The following EBF2 variants were observed in gnomAD, a reference collection of about 807,000 sequenced individuals.
EBF2 encodes EBF transcription factor 2.
A neutral mutation model predicts 72.8 loss-of-function variants in EBF2; 21 were observed. That is an observed-to-expected ratio of 0.29 (90% CI 0.20 to 0.42). The LOEUF (loss-of-function observed/expected upper bound fraction) is 0.42. Ranked by LOEUF, EBF2 falls within the 10% of genes least tolerant of loss-of-function variation. The pLI is 1.00. For synonymous variants in EBF2, 299 were observed against 274.2 expected (o/e 1.09, Z -0.89); for missense variants, 637 against 731.2 (o/e 0.87, Z 1.49).
intron 6 of EBF2, among the ~76,000 whole-genome samples, chr8:25,934,077 G>C (rs1179027339): frequency 2.6e-5 from 4 of 152,096 alleles, no homozygotes; most frequent in Non-Finnish European, 1.5e-5. Context: ...TTCCTGAATG[G>C]TGTGCTGGCT....
At chr8:25,939,186 C>T (rs888444802) in intron 6 of EBF2, among the ~76,000 whole-genome samples, 1 of 152,178 alleles carries the variant, frequency 6.6e-6, no homozygotes. Flanking sequence ...ATTCTGTGAT[C>T]TTCTTTTCTT....
chr8:25,960,233 C>G (rs539351708), intron 6 of EBF2, among the ~76,000 whole-genome samples: 1 of 152,314 alleles, frequency 6.6e-6, no homozygotes, highest in African/African-American at 2.4e-5. Context: ...ACTTGAGTTC[C>G]TGAGTGAAGG....
intron 6 of EBF2, among the ~76,000 whole-genome samples, chr8:25,923,546 C>T (rs1490869206): frequency 2.0e-5 from 3 of 152,198 alleles, no homozygotes; most frequent in South Asian, 2.1e-4. Flanking sequence ...AAGCAGATTT[C>T]GTCACTCCTA....
At chr8:25,985,846 ACAAAAATTAGCTGGG>A (rs1422781937) in intron 6 of EBF2, among the ~76,000 whole-genome samples, 2 of 151,762 alleles carry the variant, frequency 1.3e-5, no homozygotes, top group Non-Finnish European at 2.9e-5. Context: ...TACAAAAAAT[ACAAAAATTAGCTGGG>A]CATGGTAGCA....
At position 25,903,698 on chromosome 8, in the gene EBF2, A is replaced by AAAAC. The variant is rs531121025; in HGVS notation, c.633+4772_633+4775dup. Among the ~76,000 whole-genome samples, 380 of 152,306 alleles carry AAAAC rather than the reference A, an allele frequency of 2.5e-3. 3 individuals carry two copies. Among genetic ancestry groups the AAAAC allele is most frequent in the African/African-American group, 8.3e-3 (345 of 41,560 alleles). On this transcript the variant is annotated intron_variant, in intron 7 of 15. Transcript: ENST00000520164. ...GGCGACAGAGCGAGACTCCGTCTCAAAAACAAACAAACAAACAAACAAAAA... is the reference window on the plus strand; with the variant it reads ...GGCGACAGAGCGAGACTCCGTCTCAAAAACAAACAAACAAACAAACAAACAAAAA...
chr8:25,870,675 T>G (rs904932193), intron 10 of EBF2, among the ~76,000 whole-genome samples: 9 of 152,102 alleles, frequency 5.9e-5, no homozygotes, highest in African/African-American at 2.2e-4. Flanking sequence ...GGATACAGGG[T>G]CATGTCTAGT....
intron 13 of EBF2, among the ~76,000 whole-genome samples, chr8:25,860,723 C>T (rs1802198209): frequency 6.6e-6 from 1 of 152,046 alleles, no homozygotes. Flanking sequence ...CACCATGTTG[C>T]CCAGGCTGGT....
intron 9 of EBF2, 113 bp downstream of exon 9, chr8:25,887,729 C>G (rs1398050560): frequency 7.9e-7 from 1 of 1,268,632 alleles, no homozygotes; most frequent in Non-Finnish European, 1.0e-6. Flanking sequence ...AAACCCATGC[C>G]TGATTTACTA....
intron 6 of EBF2, among the ~76,000 whole-genome samples, chr8:25,938,580 T>G (rs1803618494): frequency 6.6e-6 from 1 of 152,142 alleles, no homozygotes; most frequent in African/African-American, 2.4e-5. Context: ...TGATAAGATT[T>G]TCTTTGTGCC....
intron 6 of EBF2, among the ~76,000 whole-genome samples, chr8:25,974,360 A>T (rs1389984397): frequency 6.6e-6 from 1 of 152,220 alleles, no homozygotes; most frequent in Non-Finnish European, 1.5e-5. Context: ...ATCTCCAGAA[A>T]GTAAGAGTAA....
At chr8:25,953,480 T>C (rs117020612) in intron 6 of EBF2, among the ~76,000 whole-genome samples, 2,010 of 152,302 alleles carry the variant, frequency 0.013, 27 homozygotes, top group Non-Finnish European at 0.022. Context: ...ATGGAGTGGT[T>C]GATTCCTGGC....
At position 25,844,613 on chromosome 8, in the gene EBF2, A is replaced by T. The variant is rs557126648; in HGVS notation, c.1724T>A (p.Met575Lys). ...CTATAAGAAAGCAGTTCTTCTTTAC[A>T]TCGGGGGTACAACAAGTCCGGTCAT... ...RAMTGLVVPP[M>K] Residue 575 changes from methionine (M) to lysine (K), a missense_variant, in exon 16 of 16, where the codon ATG (methionine) becomes AAG (lysine). This residue lies in a region of EBF2 where 259 missense variants were observed against 268.1 expected (regional missense o/e 0.97). Coordinates refer to ENST00000520164, the MANE Select transcript of EBF2 (RefSeq NM_022659.4). 6.2e-7 allele frequency: 1 copy of T among 1,614,016 alleles called. No homozygotes were observed. The highest frequency in any genetic ancestry group is 1.3e-5 in the African/African-American group (1 of 75,046).
intron 6 of EBF2, among the ~76,000 whole-genome samples, chr8:25,944,403 C>T (rs994676801): frequency 1.3e-5 from 2 of 152,108 alleles, no homozygotes; most frequent in Non-Finnish European, 2.9e-5. Flanking sequence ...AGTCTTCACT[C>T]CCCTGATAAG....
chr8:25,991,714 C>T (rs750903059), intron 6 of EBF2, among the ~76,000 whole-genome samples: 6 of 152,132 alleles, frequency 3.9e-5, no homozygotes, highest in East Asian at 3.9e-4. Context: ...CGCATGGTGG[C>T]GGGCACCTGT....
chr8:26,043,939 G>A (rs981116727), intron 1 of EBF2, among the ~76,000 whole-genome samples: 2 of 152,124 alleles, frequency 1.3e-5, no homozygotes, highest in Non-Finnish European at 2.9e-5. Context: ...GCACGCAGAC[G>A]CCTAAACACA....
chr8:25,880,879 C>T (rs181008745), intron 10 of EBF2, among the ~76,000 whole-genome samples: 39 of 152,262 alleles, frequency 2.6e-4, no homozygotes, highest in East Asian at 9.6e-4. Context: ...TCCCTTAGCA[C>T]GTTATATCTT....
At chr8:25,918,826 T>C (rs1289674845) in intron 6 of EBF2, among the ~76,000 whole-genome samples, 4 of 152,216 alleles carry the variant, frequency 2.6e-5, no homozygotes, top group African/African-American at 7.2e-5. Context: ...TAACGTTTTA[T>C]TCTTTGCCTT....
At chr8:25,980,017 G>C (rs1244477274) in intron 6 of EBF2, among the ~76,000 whole-genome samples, 17 of 152,096 alleles carry the variant, frequency 1.1e-4, no homozygotes, top group Admixed American at 1.1e-3. Context: ...TTCATTCTGT[G>C]CTGGACTCAC....
At chr8:25,979,437 A>G (rs1185233089) in intron 6 of EBF2, among the ~76,000 whole-genome samples, 4 of 152,138 alleles carry the variant, frequency 2.6e-5, no homozygotes, top group Admixed American at 6.5e-5. Context: ...GCTGCGTAAT[A>G]TTTTTAAAAG....
Sources: gnomAD v4.1 joint callset for allele counts (sites outside exome capture counted in the v4.1 genomes callset) on GRCh38, gnomAD v4.1.1 for gene constraint, gnomAD v4.1.1 regional missense constraint, MANE v1.5 for transcripts, NCBI Gene and HGNC (gene_info 2026-07-23, HGNC 2026-07-21) for gene names.